The following AEN variants were observed in gnomAD, a reference collection of about 807,000 sequenced individuals.
The protein encoded by AEN is apoptosis enhancing nuclease, also known as apoptosis-enhancing nuclease.
In AEN, 21 loss-of-function variants were observed where a neutral mutation model predicts 17.7. The ratio of observed to expected loss-of-function variants is 1.19; its 90% CI spans 0.84 to 1.71. AEN has a LOEUF of 1.71. Ranked by LOEUF, AEN falls within the 40% of genes most tolerant of loss-of-function variation. The pLI is 0.00. For synonymous variants in AEN, 190 were observed against 173.0 expected, an observed-to-expected ratio of 1.10 and a Z score of -0.77; for missense variants, 462 against 435.9, an observed-to-expected ratio of 1.06 and a Z score of -0.53.
chr15:88,628,804 C>T (rs771937804), intron 2 of AEN: 1 of 170,928 alleles, frequency 5.9e-6, no homozygotes, highest in African/African-American at 2.4e-5. Flanking sequence ...CCAACATGGT[C>T]CCTGCACTCA....
In AEN at chr15:88,630,627, C is replaced by A; in HGVS notation, c.*333C>A. On this transcript the variant is annotated 3_prime_UTR_variant, in exon 4 of 4. Transcript: ENST00000332810. The surrounding 1 kb of genome is among the most constrained non-coding windows in gnomAD (Gnocchi z 5.1). ...ACTGCCCAGGTTGCCGTGGCCTTCC[C>A]CACCCCCCAGATCTCCTGAGTCATC... 1 of 329,150 alleles carries A rather than the reference C, an allele frequency of 3.0e-6. No individual in the cohort carries two copies. The allele number at this position is 329,150 out of a possible 1,614,324, so 20.4% of individuals were successfully genotyped here. A position where few individuals can be genotyped will look rare whatever the true frequency, so the allele number is the denominator to read the frequency against.
intron 1 of AEN, among the ~76,000 whole-genome samples, chr15:88,622,931 T>C (rs1292467729): frequency 1.3e-5 from 2 of 152,232 alleles, no homozygotes; most frequent in East Asian, 3.8e-4. Flanking sequence ...ACTACTTTCC[T>C]CTCTTGAAAT....
At chr15:88,609,127 C>T in the AEN span, among the ~76,000 whole-genome samples, 1 of 152,120 alleles carries the variant, frequency 6.6e-6, no homozygotes, top group African/African-American at 2.4e-5. Flanking sequence ...TGGATAGATG[C>T]CTGATCATCA....
chr15:88,620,760 A>G (rs2057776589), upstream of AEN, among the ~76,000 whole-genome samples: 1 of 152,100 alleles, frequency 6.6e-6, no homozygotes, highest in Non-Finnish European at 1.5e-5. Flanking sequence ...GCTGTTAGAT[A>G]AACAACTCAG....
chr15:88,609,523 AAG>A, the AEN span, among the ~76,000 whole-genome samples: 1 of 152,202 alleles, frequency 6.6e-6, no homozygotes, highest in Non-Finnish European at 1.5e-5. Context: ...CATGAGGTAA[AAG>A]AGAGGAGGGG....
At position 88,621,585 on chromosome 15, in the gene AEN, C is replaced by G. The variant is rs1320295032; in HGVS notation, c.-65+203C>G. On this transcript the variant is annotated intron_variant, in intron 1 of 3. Coordinates refer to ENST00000332810, the MANE Select transcript of AEN (RefSeq NM_022767.4). ...CCTCGCTCTGCTCGGGGGTCCAGGG[C>G]CAGAGGGGGCGGCGCTGGTCGTTGG... 5 of 152,330 alleles carry G rather than the reference C, an allele frequency of 3.3e-5. No homozygotes were observed. In the East Asian group the frequency reaches 9.6e-4, roughly 29 times the overall value. 9.4% of individuals were successfully genotyped at this position (152,330 alleles called of 1,614,324 possible).
the AEN span, among the ~76,000 whole-genome samples, chr15:88,612,617 T>TTATA: frequency 7.2e-6 from 1 of 139,704 alleles, no homozygotes; most frequent in Non-Finnish European, 1.6e-5. Flanking sequence ...ATTTATTTAT[T>TTATA]TTTGAGACAG....
chr15:88,612,793 G>A, the AEN span, among the ~76,000 whole-genome samples: 4 of 151,834 alleles, frequency 2.6e-5, no homozygotes, highest in Non-Finnish European at 4.4e-5. Flanking sequence ...TAGAGAGAGG[G>A]GTTTGCTATG....
chr15:88,611,865 A>AG, the AEN span: 1 of 521,694 alleles, frequency 1.9e-6, no homozygotes, highest in South Asian at 1.4e-5. Flanking sequence ...CTGGAAGACT[A>AG]GTGATTTTGT....
chr15:88,630,401 G>A lies in AEN; in HGVS notation c.*107G>A, dbSNP rs949514466. On this transcript the variant is annotated 3_prime_UTR_variant, in exon 4 of 4. Coordinates refer to ENST00000332810, the MANE Select transcript of AEN (RefSeq NM_022767.4). This position sits in a 1 kb window ranked among gnomAD's most constrained non-coding sequence, Gnocchi z 5.1. ...TGGGCAGGGTGGGGCAGGATGCAGTGAGCCAGCCCCAGGGCCAGAGGAGTA... is the reference window on the plus strand; with the variant it reads ...TGGGCAGGGTGGGGCAGGATGCAGTAAGCCAGCCCCAGGGCCAGAGGAGTA... 1 of 1,073,830 alleles carries A rather than the reference G, an allele frequency of 9.3e-7. No homozygotes were observed. The highest frequency in any genetic ancestry group is 2.6e-5 in the East Asian group (1 of 38,552). 66.5% of individuals were successfully genotyped at this position (1,073,830 alleles called of 1,614,324 possible).
In AEN at chr15:88,630,322, T is replaced by C. The variant is rs186259223; in HGVS notation, c.*28T>C. 9.3e-4 allele frequency: 1,444 copies of C among 1,552,248 alleles called. 12 individuals carry two copies. In the African/African-American group the frequency reaches 0.018, roughly 19 times the overall value. ...AGGGGGCGGGGCTCCCTGGCTGGGC[T>C]TCCGGTGTGGCCGGTAGGAAGTGGG... On this transcript the variant is annotated 3_prime_UTR_variant, in exon 4 of 4. Coordinates refer to ENST00000332810, the MANE Select transcript of AEN (RefSeq NM_022767.4). This position sits in a 1 kb window ranked among gnomAD's most constrained non-coding sequence, Gnocchi z 5.1.
chr15:88,629,211 T>C lies in AEN; in HGVS notation c.541-15T>C, dbSNP rs372129654. The C allele has an allele frequency of 9.3e-6, 15 of 1,613,394 alleles. No individual in the cohort carries two copies. The highest frequency in any genetic ancestry group is 1.3e-5 in the Non-Finnish European group (15 of 1,179,610). Reference sequence around the variant, plus strand: ...GGTGTGGGGTGACCTCCCTGACTCCTCTTTCTGCTCACAGATCCTTAAGCT... The same window carrying C: ...GGTGTGGGGTGACCTCCCTGACTCCCCTTTCTGCTCACAGATCCTTAAGCT... On this transcript the variant is annotated splice_polypyrimidine_tract_variant and intron_variant, in intron 2 of 3. Transcript: ENST00000332810.
intron 2 of AEN, 23 bp from the exon 3 acceptor site, chr15:88,629,203 C>A (rs1266248972): frequency 3.7e-6 from 6 of 1,612,836 alleles, no homozygotes; most frequent in Non-Finnish European, 4.2e-6. Context: ...GGTGACCTCC[C>A]TGACTCCTCT....
chr15:88,616,804 T>C (rs76295809), upstream of AEN, among the ~76,000 whole-genome samples: 12,484 of 152,288 alleles, frequency 0.082, 532 homozygotes, highest in Middle Eastern at 0.11. Context: ...ATGTGACATG[T>C]TCAGTACTTT....
upstream of AEN, among the ~76,000 whole-genome samples, chr15:88,620,603 G>A (rs1195859315): frequency 6.6e-6 from 1 of 151,854 alleles, no homozygotes; most frequent in Non-Finnish European, 1.5e-5. Context: ...GGAGAGATGG[G>A]GTTTCATGTT....
intron 2 of AEN, chr15:88,628,908 T>G: frequency 3.6e-6 from 1 of 278,520 alleles, no homozygotes; most frequent in Non-Finnish European, 6.9e-6. Context: ...AGCAATAGAG[T>G]TGCTTGTATC....
the AEN span, among the ~76,000 whole-genome samples, chr15:88,611,254 G>C: frequency 6.6e-6 from 1 of 152,006 alleles, no homozygotes; most frequent in Admixed American, 6.6e-5. Context: ...AGAGAGAAAT[G>C]AGCCACTTGC....
Position 88,631,191 on chromosome 15 carries a change from T to C in AEN, c.*897T>C. On this transcript the variant is annotated 3_prime_UTR_variant, in exon 4 of 4. Transcript: ENST00000332810. ...CCTTTGTGTAGGATTGTGCCTGACC[T>C]TTATTTATTTATTAACAGCAGGGCC... 2.2e-6 allele frequency: 1 copy of C among 456,314 alleles called. No individual in the cohort carries two copies. Among genetic ancestry groups the C allele is most frequent in the South Asian group, 1.5e-5 (1 of 64,538 alleles). 28.3% of individuals were successfully genotyped at this position (456,314 alleles called of 1,614,324 possible). A position where few individuals can be genotyped will look rare whatever the true frequency, so the allele number is the denominator to read the frequency against.
chr15:88,613,392 A>G, the AEN span, among the ~76,000 whole-genome samples: 7 of 152,180 alleles, frequency 4.6e-5, no homozygotes, highest in Non-Finnish European at 8.8e-5. Flanking sequence ...TTTACACTTC[A>G]GAAGTCTGCA....
Sources: allele counts gnomAD v4.1 joint callset (sites outside exome capture counted in the v4.1 genomes callset), GRCh38; gene constraint gnomAD v4.1.1; non-coding constraint Gnocchi (gnomAD v3.1); transcripts MANE v1.5; gene names NCBI Gene and HGNC (gene_info 2026-07-23, HGNC 2026-07-21).